The following LIN54 variants were observed in gnomAD, a reference collection of about 807,000 sequenced individuals.
LIN54 encodes the protein protein lin-54 homolog.
Under a neutral mutation model 78.7 loss-of-function variants are expected in LIN54, and 9 were observed. That is an observed-to-expected ratio of 0.11 (90% confidence interval 0.07 to 0.20). LIN54 has a LOEUF of 0.20. Among genes scored for constraint, LIN54 ranks in the 10% least tolerant of loss-of-function variants. LIN54 has a pLI of 1.00. For missense variants in LIN54, 573 were observed against 889.9 expected (o/e 0.64, Z 4.53); for synonymous variants, 269 against 318.4 (o/e 0.84, Z 1.65).
At chr4:82,942,128 C>T (rs1722951995) in intron 5 of LIN54, among the ~76,000 whole-genome samples, 1 of 118,756 alleles carries the variant, frequency 8.4e-6, no homozygotes. Flanking sequence ...ACTATGATAT[C>T]AGCAGTTTTT....
intron 1 of LIN54, among the ~76,000 whole-genome samples, chr4:83,000,582 C>A (rs536929142): frequency 1.1e-4 from 16 of 152,242 alleles, no homozygotes; most frequent in Admixed American, 2.0e-4. Flanking sequence ...CACTCAGAAC[C>A]CCATGTTTTC....
rs771048103 is a variant in LIN54 at position 82,931,014 on chromosome 4, C to T, written c.1977G>A (p.Lys659=). The part of the protein sequence containing the change: ...EVRVQQQTAA[K]TKLSSQISDL... The stretch of plus-strand genomic sequence containing the variant: ...CTGAAATTTGAGAGGATAACTTCGT[C>T]TTGGCTGCTGTTTGTTGCTGTACCC... The change falls in exon 12 of 13, where the codon AAG becomes AAA. Residue 659 remains lysine, a synonymous_variant. Coordinates refer to ENST00000340417, the MANE Select transcript of LIN54 (RefSeq NM_194282.4). The T allele has an allele frequency of 2.5e-6, 4 of 1,614,086 alleles. No individual in the cohort carries two copies. Among genetic ancestry groups the T allele is most frequent in the Non-Finnish European group, 3.4e-6 (4 of 1,180,040 alleles).
At chr4:82,935,308 A>T (rs972334194) in intron 11 of LIN54, among the ~76,000 whole-genome samples, 1 of 150,006 alleles carries the variant, frequency 6.7e-6, no homozygotes, top group Non-Finnish European at 1.5e-5. Context: ...TATATATTTG[A>T]GACAGAGTCT....
At chr4:82,945,277 T>C (rs1723265132) in intron 5 of LIN54, among the ~76,000 whole-genome samples, 1 of 152,200 alleles carries the variant, frequency 6.6e-6, no homozygotes, top group Non-Finnish European at 1.5e-5. Flanking sequence ...TGTCAGAATA[T>C]AAAACAAGGA....
intron 1 of LIN54, among the ~76,000 whole-genome samples, chr4:83,008,221 T>G (rs368591560): frequency 6.6e-6 from 1 of 152,212 alleles, no homozygotes; most frequent in Non-Finnish European, 1.5e-5. Context: ...CCCCACTGAA[T>G]TGATCCTTCC....
At chr4:82,946,125 G>A in intron 5 of LIN54, 133 bp downstream of exon 5, 2 of 718,922 alleles carry the variant, frequency 2.8e-6, no homozygotes, top group Non-Finnish European at 5.0e-6. Context: ...CTATTTCACT[G>A]CCTTCTGCAC....
intron 4 of LIN54, among the ~76,000 whole-genome samples, chr4:82,966,108 G>T (rs1725182305): frequency 1.3e-5 from 2 of 152,018 alleles, no homozygotes; most frequent in Non-Finnish European, 2.9e-5. Context: ...GTTCAGTCCT[G>T]CTTTTCTTTT....
At position 82,938,429 on chromosome 4, in the gene LIN54, G is replaced by A. The variant is rs1372628748; in HGVS notation, c.1516C>T (p.Arg506Trp). The change falls in exon 8 of 13, where the codon CGG (arginine) becomes TGG (tryptophan). Residue 506 changes from arginine to tryptophan, a missense_variant. Coordinates refer to ENST00000340417, the MANE Select transcript of LIN54 (RefSeq NM_194282.4). ...AATACTCACCCATTGAATGGAAGCC[G>A]TGCCTGGGTCTGGATACCAGATGTT... ...TGTSGIQTQA[R>W]LPFNGIIPSE... The A allele has an allele frequency of 2.5e-6, 4 of 1,605,500 alleles. No homozygotes were observed. Among genetic ancestry groups the A allele is most frequent in the African/African-American group, 2.7e-5 (2 of 74,750 alleles).
In LIN54 at chr4:82,996,817, G is replaced by A. The variant is rs1044799274; in HGVS notation, c.-32-11941C>T. Reference sequence around the variant, plus strand: ...TTGAATGGTTAAATGGTTTAAGTCCGGTGAGAGTTAAACAGTCACCCATTT... The same window carrying A: ...TTGAATGGTTAAATGGTTTAAGTCCAGTGAGAGTTAAACAGTCACCCATTT... On this transcript the variant is annotated intron_variant, in intron 1 of 12. Transcript: ENST00000340417. Among the ~76,000 whole-genome samples, 6 of 151,926 alleles carry A rather than the reference G, an allele frequency of 3.9e-5. 1 individual carries two copies. Among genetic ancestry groups the A allele is most frequent in the Admixed American group, 2.0e-4 (3 of 15,208 alleles).
rs188441346 is a variant in LIN54 at position 83,006,661 on chromosome 4, T to C, written c.-33+3823A>G. ...TACCTTTAAAGTCTATGTTCAAGTA[T>C]ATAGTATTTAAATTTGAGCTTCTAC... On this transcript the variant is annotated intron_variant, in intron 1 of 12. Transcript: ENST00000340417. Among the ~76,000 whole-genome samples the C allele has an allele frequency of 5.3e-5, 8 of 152,186 alleles. No homozygotes were observed. In the East Asian group the frequency reaches 1.5e-3, roughly 29 times the overall value.
At chr4:82,978,766 G>T in intron 3 of LIN54, 117 bp downstream of exon 3, 1 of 554,680 alleles carries the variant, frequency 1.8e-6, no homozygotes. Flanking sequence ...TAACTAGTCT[G>T]GTTTATAATA....
intron 1 of LIN54, among the ~76,000 whole-genome samples, chr4:83,002,958 T>C (rs1728995034): frequency 1.3e-5 from 2 of 152,182 alleles, no homozygotes; most frequent in Admixed American, 1.3e-4. Flanking sequence ...ACTGTATTTT[T>C]TGTACCTAGA....
At chr4:83,005,070 T>C (rs1729230999) in intron 1 of LIN54, among the ~76,000 whole-genome samples, 1 of 151,882 alleles carries the variant, frequency 6.6e-6, no homozygotes, top group Non-Finnish European at 1.5e-5. Context: ...CATGTTTGTA[T>C]TTTTTAGTAG....
intron 4 of LIN54, among the ~76,000 whole-genome samples, chr4:82,960,929 A>G (rs1271618203): frequency 6.6e-6 from 1 of 152,060 alleles, no homozygotes; most frequent in Non-Finnish European, 1.5e-5. Context: ...GGTGTGAGGC[A>G]TGTGCGTGTA....
intron 5 of LIN54, among the ~76,000 whole-genome samples, chr4:82,940,212 C>T (rs1163408228): frequency 6.6e-6 from 1 of 152,184 alleles, no homozygotes; most frequent in Non-Finnish European, 1.5e-5. Flanking sequence ...AGGTTCAAGA[C>T]ATTCAAATGA....
intron 4 of LIN54, among the ~76,000 whole-genome samples, chr4:82,969,035 T>C (rs1204330922): frequency 6.6e-6 from 1 of 152,112 alleles, no homozygotes; most frequent in Admixed American, 6.6e-5. Flanking sequence ...CTAGAAGCAA[T>C]GAGAAGCCAC....
At chr4:82,979,040 T>C in intron 2 of LIN54, 34 bp from the exon 3 acceptor site, 2 of 1,499,746 alleles carry the variant, frequency 1.3e-6, no homozygotes, top group Non-Finnish European at 1.8e-6. Flanking sequence ...AGACCATCTG[T>C]TTCTATAAAA....
At chr4:82,952,799 C>T (rs1364636623) in intron 4 of LIN54, among the ~76,000 whole-genome samples, 1 of 152,126 alleles carries the variant, frequency 6.6e-6, no homozygotes, top group Non-Finnish European at 1.5e-5. Flanking sequence ...GAAGGGTATT[C>T]TGATGTATAT....
At chr4:82,943,117 T>C (rs1723076258) in intron 5 of LIN54, among the ~76,000 whole-genome samples, 1 of 152,194 alleles carries the variant, frequency 6.6e-6, no homozygotes, top group Admixed American at 6.5e-5. Context: ...CATTACTAAC[T>C]ACTACTTCAG....
Sources: gnomAD v4.1 joint callset for allele counts (sites outside exome capture counted in the v4.1 genomes callset) on GRCh38, gnomAD v4.1.1 for gene constraint, MANE v1.5 for transcripts, NCBI Gene and HGNC (gene_info 2026-07-23, HGNC 2026-07-21) for gene names.